Variants in CELF2 observed in about 807,000 individuals in gnomAD.
CELF2 encodes the protein CUGBP Elav-like family member 2, also known as CUG triplet repeat RNA-binding protein 2.
In CELF2, 8 loss-of-function variants were observed where a neutral mutation model predicts 62.6. The observed-to-expected ratio is 0.13, with a 90% CI of 0.07 to 0.23. The LOEUF is 0.23. CELF2 is among the 10% of genes least tolerant of loss of function. CELF2 has a pLI of 1.00. For synonymous variants in CELF2, 258 were observed against 250.0 expected (o/e 1.03, Z -0.30); for missense variants, 333 against 671.0 (o/e 0.50, Z 5.56).
intron 2 of CELF2, among the ~76,000 whole-genome samples, chr10:11,209,095 T>C (rs1277303847): frequency 6.6e-6 from 1 of 152,216 alleles, no homozygotes; most frequent in Non-Finnish European, 1.5e-5. Context: ...ATGGGTACTT[T>C]TTTCATGCCC....
At chr10:11,101,337 C>A (rs955087184) in intron 1 of CELF2, among the ~76,000 whole-genome samples, 2 of 152,122 alleles carry the variant, frequency 1.3e-5, no homozygotes, top group Non-Finnish European at 2.9e-5. Context: ...TAAGAAAGGT[C>A]TTGGTTGAAC....
At chr10:10,787,925 T>A in the CELF2 span, among the ~76,000 whole-genome samples, 1 of 152,176 alleles carries the variant, frequency 6.6e-6, no homozygotes, top group Non-Finnish European at 1.5e-5. Context: ...CAAATCATTA[T>A]GGGATGTCCT....
the CELF2 span, among the ~76,000 whole-genome samples, chr10:10,552,938 G>C: frequency 1.3e-5 from 2 of 152,206 alleles, no homozygotes; most frequent in Non-Finnish European, 2.9e-5. Context: ...CTGGCTTATA[G>C]ATGGCTGCCT....
rs1554956938 is a variant in CELF2, at chr10:11,211,813, A to AGTGTGC, written c.272-5607_272-5606insCGTGTG. Among the ~76,000 whole-genome samples, 7 of 89,358 alleles carry AGTGTGC rather than the reference A, an allele frequency of 7.8e-5. No individual in the cohort carries two copies. Among genetic ancestry groups the AGTGTGC allele is most frequent in the African/African-American group, 2.8e-4 (6 of 21,212 alleles). 58.6% of individuals were successfully genotyped at this position (89,358 alleles called of 152,430 possible). On this transcript the variant is annotated intron_variant, in intron 2 of 12. Transcript: ENST00000633077. This position sits in a 1 kb window ranked among gnomAD's most constrained non-coding sequence, Gnocchi z 4.8. ...GTGTGAGAGAGAGAGAGAGAGAGAGAGTGTGTGTGTGTGTGTGTGTGTGTG... is the reference window on the plus strand; with the variant it reads ...GTGTGAGAGAGAGAGAGAGAGAGAGAGTGTGCGTGTGTGTGTGTGTGTGTGTGTGTG...
At chr10:10,753,901 T>G in the CELF2 span, among the ~76,000 whole-genome samples, 1 of 152,174 alleles carries the variant, frequency 6.6e-6, no homozygotes, top group East Asian at 1.9e-4. Flanking sequence ...ATTTGTATTT[T>G]CAATGTGTAT....
At chr10:10,723,685 T>C in the CELF2 span, among the ~76,000 whole-genome samples, 2 of 152,212 alleles carry the variant, frequency 1.3e-5, no homozygotes, top group African/African-American at 4.8e-5. Context: ...GACTAAAGCA[T>C]AGAGAATTTC....
intron 2 of CELF2, among the ~76,000 whole-genome samples, chr10:10,985,400 A>T (rs1245121315): frequency 6.6e-6 from 1 of 152,224 alleles, no homozygotes; most frequent in Non-Finnish European, 1.5e-5. Flanking sequence ...ATTGACAATT[A>T]AATCAGCATG....
chr10:10,733,743 C>A, the CELF2 span, among the ~76,000 whole-genome samples: 2 of 152,082 alleles, frequency 1.3e-5, no homozygotes, highest in South Asian at 2.1e-4. Context: ...TTATTCACTA[C>A]CATGAGAACA....
At chr10:11,114,032 A>G (rs2055929464) in intron 1 of CELF2, among the ~76,000 whole-genome samples, 1 of 152,222 alleles carries the variant, frequency 6.6e-6, no homozygotes, top group South Asian at 2.1e-4. Context: ...TAATTGGGCA[A>G]AAACGGCTCA....
chr10:10,876,790 A>T (rs1316197775), intron 1 of CELF2, among the ~76,000 whole-genome samples: 2 of 152,212 alleles, frequency 1.3e-5, no homozygotes, highest in African/African-American at 4.8e-5. Flanking sequence ...TGCACTCCAG[A>T]TAAGAGTGAT....
intron 1 of CELF2, among the ~76,000 whole-genome samples, chr10:10,895,398 G>A (rs1036805931): frequency 6.6e-6 from 1 of 152,182 alleles, no homozygotes; most frequent in Non-Finnish European, 1.5e-5. Flanking sequence ...TAGCTGAAGA[G>A]ATTTCCAAGA....
the CELF2 span, among the ~76,000 whole-genome samples, chr10:10,755,701 A>C: frequency 1.3e-5 from 2 of 152,222 alleles, no homozygotes; most frequent in African/African-American, 4.8e-5. Context: ...TTACGATGTT[A>C]TATCACGTGA....
At chr10:11,208,341 G>A (rs1056416044) in intron 2 of CELF2, among the ~76,000 whole-genome samples, 1 of 152,180 alleles carries the variant, frequency 6.6e-6, no homozygotes, top group Non-Finnish European at 1.5e-5. Context: ...TGACACAGGC[G>A]CCTTCGGGAT....
chr10:10,670,231 C>T, the CELF2 span, among the ~76,000 whole-genome samples: 2 of 152,040 alleles, frequency 1.3e-5, no homozygotes, highest in Non-Finnish European at 2.9e-5. Flanking sequence ...AGCATATGCT[C>T]AACATATATT....
the CELF2 span, among the ~76,000 whole-genome samples, chr10:10,565,967 T>C: frequency 6.6e-6 from 1 of 152,214 alleles, no homozygotes; most frequent in African/African-American, 2.4e-5. Context: ...ATGCTTCTAA[T>C]TTTGCATCAT....
chr10:10,762,139 G>GC, the CELF2 span, among the ~76,000 whole-genome samples: 1 of 152,180 alleles, frequency 6.6e-6, no homozygotes, highest in South Asian at 2.1e-4. Context: ...CTAAAACTGA[G>GC]CCCTTATGCT....
chr10:10,518,873 G>A, the CELF2 span, among the ~76,000 whole-genome samples: 1 of 152,160 alleles, frequency 6.6e-6, no homozygotes, highest in South Asian at 2.1e-4. Flanking sequence ...ATGTAATTGG[G>A]ACAGCACATT....
At chr10:11,308,620 T>C (rs532912100) in intron 9 of CELF2, among the ~76,000 whole-genome samples, 55 of 152,388 alleles carry the variant, frequency 3.6e-4, no homozygotes, top group African/African-American at 1.3e-3. Context: ...AAATTACATA[T>C]AGCCTATTAA....
chr10:10,967,358 A>G (rs899475649), intron 2 of CELF2, among the ~76,000 whole-genome samples: 5 of 152,240 alleles, frequency 3.3e-5, no homozygotes, highest in Non-Finnish European at 4.4e-5. Flanking sequence ...AACTTAAAAT[A>G]TATAAGGAGG....
Sources: gnomAD v4.1 joint callset for allele counts (sites outside exome capture counted in the v4.1 genomes callset) on GRCh38, gnomAD v4.1.1 for gene constraint, Gnocchi (gnomAD v3.1) non-coding constraint, MANE v1.5 for transcripts, NCBI Gene and HGNC (gene_info 2026-07-23, HGNC 2026-07-21) for gene names.